The following ABLIM1 variants were observed in gnomAD, a reference collection of about 807,000 sequenced individuals.
ABLIM1 encodes the protein actin binding LIM protein 1, also known as actin-binding LIM protein 1.
In ABLIM1, 40 loss-of-function variants were observed where a neutral mutation model predicts 107.0. The observed-to-expected ratio is 0.37, with a 90% confidence interval of 0.29 to 0.49. ABLIM1 has a LOEUF of 0.49. ABLIM1 is among the 20% of genes least tolerant of loss of function. The pLI, the probability that ABLIM1 is intolerant of heterozygous loss-of-function variation, is 0.97. For synonymous variants in ABLIM1, 357 were observed against 357.3 expected, an observed-to-expected ratio of 1.00 and a Z score of 0.01; for missense variants, 857 against 1,008.5, an observed-to-expected ratio of 0.85 and a Z score of 2.04.
chr10:114,662,088 T>C (rs2079820142), upstream of ABLIM1, among the ~76,000 whole-genome samples: 1 of 152,172 alleles, frequency 6.6e-6, no homozygotes, highest in Non-Finnish European at 1.5e-5. Context: ...TCTGCTAGGA[T>C]CTACTTGCTT....
chr10:114,465,614 T>C, intron 12 of ABLIM1, 84 bp downstream of exon 12: 1 of 1,510,670 alleles, frequency 6.6e-7, no homozygotes. Flanking sequence ...TCGTTGATTT[T>C]TCAATGTGCT....
chr10:114,735,838 T>C (rs2082168649), intron 1 of ABLIM1, among the ~76,000 whole-genome samples: 1 of 152,240 alleles, frequency 6.6e-6, no homozygotes, highest in Admixed American at 6.5e-5. Context: ...GTTATATTTA[T>C]TATACAAAGC....
the ABLIM1 span, among the ~76,000 whole-genome samples, chr10:114,787,677 C>G: frequency 1.4e-5 from 2 of 139,530 alleles, no homozygotes; most frequent in African/African-American, 2.6e-5. Context: ...CCCCTCTGCC[C>G]GGCCAGCCAC....
At chr10:114,731,938 C>T (rs1013663720) in intron 1 of ABLIM1, among the ~76,000 whole-genome samples, 1 of 152,088 alleles carries the variant, frequency 6.6e-6, no homozygotes, top group African/African-American at 2.4e-5. Flanking sequence ...CTTGGTTATA[C>T]AGCTTGGAGT....
the ABLIM1 span, among the ~76,000 whole-genome samples, chr10:114,773,869 A>G: frequency 6.7e-6 from 1 of 150,260 alleles, no homozygotes; most frequent in Non-Finnish European, 1.5e-5. Context: ...ATGTAAATAT[A>G]TAAATATATT....
chr10:114,636,359 G>C (rs745632422), intron 1 of ABLIM1, among the ~76,000 whole-genome samples: 3 of 152,170 alleles, frequency 2.0e-5, no homozygotes, highest in Non-Finnish European at 4.4e-5. Flanking sequence ...AAATGTTGTG[G>C]TTAAAGTCTC....
chr10:114,655,592 TA>T (rs2079464823), intron 1 of ABLIM1, among the ~76,000 whole-genome samples: 1 of 152,230 alleles, frequency 6.6e-6, no homozygotes, highest in Non-Finnish European at 1.5e-5. Flanking sequence ...ATTTGTGGAA[TA>T]AAACATTTTT....
At chr10:114,671,213 C>A (rs749809372) in intron 1 of ABLIM1, among the ~76,000 whole-genome samples, 2 of 152,334 alleles carry the variant, frequency 1.3e-5, no homozygotes, top group Middle Eastern at 3.4e-3. Context: ...TGTTTAGCTC[C>A]TTTGGCTCAA....
At chr10:114,558,229 G>A (rs930909338) in intron 4 of ABLIM1, among the ~76,000 whole-genome samples, 4 of 151,782 alleles carry the variant, frequency 2.6e-5, no homozygotes, top group Middle Eastern at 3.4e-3. Flanking sequence ...CCATATCCAC[G>A]ACCAGGATGT....
Position 114,601,837 on chromosome 10 carries a change from G to T in ABLIM1, c.369C>A (p.Phe123Leu). 1 of 1,614,178 alleles carries T rather than the reference G, an allele frequency of 6.2e-7. No individual in the cohort carries two copies. The highest frequency in any genetic ancestry group is 1.1e-5 in the South Asian group (1 of 91,082). Residue 123 changes from phenylalanine (F) to leucine (L), a missense_variant, in exon 2 of 23, where the codon TTC becomes TTA. Phe to Leu is a conservative substitution (Grantham distance 22). Transcript: ENST00000533213. The stretch of plus-strand genomic sequence containing the variant: ...CTGGAGGCACCATACCTTTGCAGGT[G>T]AAACACTTGATGTGGAAATGTTTGG... Reference protein sequence around the residue: ...VQTKHFHIKCFTCKVCGCDLA... With the variant: ...VQTKHFHIKCLTCKVCGCDLA...
chr10:114,756,757 G>T (rs1022207901), intron 1 of ABLIM1, among the ~76,000 whole-genome samples: 1 of 152,124 alleles, frequency 6.6e-6, no homozygotes, highest in Admixed American at 6.5e-5. Context: ...AATTCCACTT[G>T]TTCTTCAAGG....
At chr10:114,544,900 G>T in intron 6 of ABLIM1, 105 bp downstream of exon 6, 2 of 1,044,066 alleles carry the variant, frequency 1.9e-6, no homozygotes, top group Non-Finnish European at 3.0e-6. Context: ...TTTCTCCACA[G>T]GTGAAAAAAA....
chr10:114,434,866 T>C lies in ABLIM1; in HGVS notation c.*1394A>G, dbSNP rs2059217643. The C allele has an allele frequency of 6.6e-6, 1 of 152,210 alleles. No homozygotes were observed. The highest frequency in any genetic ancestry group is 1.5e-5 in the Non-Finnish European group (1 of 68,054). The allele number at this position is 152,210 out of a possible 1,614,324, so 9.4% of individuals were successfully genotyped here. ...CCTCCACATCCCACCTCATCCTTCC[T>C]CTGTGGTTCCCAGTCTGATCCTTCC... On this transcript the variant is annotated 3_prime_UTR_variant, in exon 23 of 23. Coordinates refer to ENST00000533213, the MANE Select transcript of ABLIM1 (RefSeq NM_002313.7).
intron 3 of ABLIM1, among the ~76,000 whole-genome samples, chr10:114,572,571 G>A (rs778997518): frequency 4.6e-5 from 7 of 152,180 alleles, no homozygotes; most frequent in Non-Finnish European, 8.8e-5. Flanking sequence ...GCAGTACAGT[G>A]AAGGCTCAGA....
intron 1 of ABLIM1, among the ~76,000 whole-genome samples, chr10:114,747,593 GATAGTT>G: frequency 6.6e-6 from 1 of 152,310 alleles, no homozygotes; most frequent in East Asian, 1.9e-4. Flanking sequence ...AAATGGATTT[GATAGTT>G]ATACACAGAA....
chr10:114,512,439 G>A (rs1187851103), intron 6 of ABLIM1, among the ~76,000 whole-genome samples: 1 of 152,190 alleles, frequency 6.6e-6, no homozygotes, highest in East Asian at 1.9e-4. Flanking sequence ...TCCTGCTTCT[G>A]AATCCAGAGG....
In ABLIM1 at chr10:114,590,777, G is replaced by T. The variant is rs371111722; in HGVS notation, c.379+11050C>A. On this transcript the variant is annotated intron_variant, in intron 2 of 22. Coordinates refer to ENST00000533213, the MANE Select transcript of ABLIM1 (RefSeq NM_002313.7). Reference sequence around the variant, plus strand: ...AAAGGATGAAGAAGTCAATTTGAAGGTACCCCCAAAGGCCACTTCCATCAC... The same window carrying T: ...AAAGGATGAAGAAGTCAATTTGAAGTTACCCCCAAAGGCCACTTCCATCAC... 5.3e-5 allele frequency among the ~76,000 whole-genome samples: 8 copies of T among 152,154 alleles called. No individual in the cohort carries two copies. The South Asian group carries it at 1.5e-3, about 28-fold the overall frequency.
At chr10:114,460,871 T>C (rs543196756) in intron 12 of ABLIM1, among the ~76,000 whole-genome samples, 8 of 152,186 alleles carry the variant, frequency 5.3e-5, no homozygotes, top group Non-Finnish European at 1.2e-4. Flanking sequence ...TCATTGACCA[T>C]TTATGGACAC....
chr10:114,497,222 C>A (rs1259153294), intron 6 of ABLIM1, among the ~76,000 whole-genome samples: 1 of 152,222 alleles, frequency 6.6e-6, no homozygotes, highest in East Asian at 1.9e-4. Flanking sequence ...TTGTGGCAGA[C>A]AACGGCATGA....
Sources: gnomAD v4.1 joint callset for allele counts (sites outside exome capture counted in the v4.1 genomes callset) on GRCh38, gnomAD v4.1.1 for gene constraint, MANE v1.5 for transcripts, NCBI Gene and HGNC (gene_info 2026-07-23, HGNC 2026-07-21) for gene names.